Variants in AKR1C8 observed in about 807,000 individuals in gnomAD.
The protein encoded by AKR1C8 is aldo-keto reductase family 1 member C8.
the AKR1C8 span, among the ~76,000 whole-genome samples, chr10:5,152,928 C>A: frequency 6.6e-6 from 1 of 151,844 alleles, no homozygotes; most frequent in Non-Finnish European, 1.5e-5. Flanking sequence ...TTGGAGGGAG[C>A]TACCACCTTT....
chr10:5,175,287 C>T, the AKR1C8 span, among the ~76,000 whole-genome samples: 1 of 151,960 alleles, frequency 6.6e-6, no homozygotes, highest in Non-Finnish European at 1.5e-5. Context: ...CATCCATGTA[C>T]CTACAAAGGA....
chr10:5,161,036 T>A, the AKR1C8 span: 6 of 389,618 alleles, frequency 1.5e-5, no homozygotes, highest in South Asian at 7.9e-5. Flanking sequence ...TACATTTGCA[T>A]GCACGTGTGC....
the AKR1C8 span, among the ~76,000 whole-genome samples, chr10:5,129,183 G>C: frequency 6.6e-6 from 1 of 152,066 alleles, no homozygotes; most frequent in South Asian, 2.1e-4. Context: ...GAATGATTTT[G>C]GGTTAACAAT....
At chr10:5,132,080 G>C in the AKR1C8 span, among the ~76,000 whole-genome samples, 2 of 152,126 alleles carry the variant, frequency 1.3e-5, no homozygotes, top group Non-Finnish European at 2.9e-5. Flanking sequence ...TTCAGGAATG[G>C]AAAACCAAAC....
chr10:5,146,028 A>G, the AKR1C8 span, among the ~76,000 whole-genome samples: 1 of 152,128 alleles, frequency 6.6e-6, no homozygotes, highest in Admixed American at 6.5e-5. Flanking sequence ...ATAAAAAATG[A>G]TAAGTTCATG....
chr10:5,155,830 C>G, the AKR1C8 span: 1 of 409,950 alleles, frequency 2.4e-6, no homozygotes, highest in South Asian at 1.9e-5. Context: ...CAAGGACTTT[C>G]CAGGAGGCAG....
the AKR1C8 span, among the ~76,000 whole-genome samples, chr10:5,149,881 C>T: frequency 1.3e-5 from 2 of 151,828 alleles, no homozygotes; most frequent in African/African-American, 2.4e-5. Context: ...AAATATTTTT[C>T]AAATTTTGTT....
chr10:5,166,563 G>T, the AKR1C8 span, among the ~76,000 whole-genome samples: 4 of 152,166 alleles, frequency 2.6e-5, no homozygotes, highest in Non-Finnish European at 5.9e-5. Flanking sequence ...AATAAATGAT[G>T]CTGGGAAAAG....
the AKR1C8 span, among the ~76,000 whole-genome samples, chr10:5,178,231 T>C: frequency 6.6e-6 from 1 of 152,244 alleles, no homozygotes; most frequent in Non-Finnish European, 1.5e-5. Flanking sequence ...TTTCATTTCG[T>C]TATGTACCCA....
the AKR1C8 span, among the ~76,000 whole-genome samples, chr10:5,124,098 A>C: frequency 6.6e-6 from 1 of 152,180 alleles, no homozygotes; most frequent in South Asian, 2.1e-4. Context: ...CACACAGCCA[A>C]TTCCAGCTCT....
At chr10:5,157,864 T>G in the AKR1C8 span, 1 of 403,760 alleles carries the variant, frequency 2.5e-6, no homozygotes, top group Non-Finnish European at 5.2e-6. Flanking sequence ...AGTGCGCTGC[T>G]CCTTTTCCCC....
chr10:5,177,544 A>G, the AKR1C8 span, among the ~76,000 whole-genome samples: 3 of 152,190 alleles, frequency 2.0e-5, no homozygotes, highest in African/African-American at 7.2e-5. Flanking sequence ...GAATAGTTTC[A>G]GAAGGAATGG....
the AKR1C8 span, among the ~76,000 whole-genome samples, chr10:5,146,112 A>G: frequency 1.3e-5 from 2 of 148,240 alleles, no homozygotes; most frequent in Non-Finnish European, 3.0e-5. Context: ...AAAACCAAAC[A>G]CCGCATATTC....
chr10:5,151,327 G>T, the AKR1C8 span, among the ~76,000 whole-genome samples: 1 of 152,096 alleles, frequency 6.6e-6, no homozygotes, highest in Non-Finnish European at 1.5e-5. Context: ...TCCTACTAAA[G>T]CAGTCTAGTC....
At chr10:5,130,079 G>T in the AKR1C8 span, among the ~76,000 whole-genome samples, 1 of 151,950 alleles carries the variant, frequency 6.6e-6, no homozygotes, top group African/African-American at 2.4e-5. Flanking sequence ...TCATGATCAA[G>T]TGGGTTCCAT....
chr10:5,168,134 C>G, the AKR1C8 span, among the ~76,000 whole-genome samples: 2 of 152,094 alleles, frequency 1.3e-5, no homozygotes, highest in Non-Finnish European at 2.9e-5. Context: ...TATCCAACAA[C>G]TAGATCTTTC....
the AKR1C8 span, among the ~76,000 whole-genome samples, chr10:5,145,578 C>A: frequency 6.6e-6 from 1 of 152,120 alleles, no homozygotes; most frequent in African/African-American, 2.4e-5. Context: ...ATTTATGCAG[C>A]CAAAAAACAC....
chr10:5,138,532 A>G, the AKR1C8 span, among the ~76,000 whole-genome samples: 1 of 152,160 alleles, frequency 6.6e-6, no homozygotes, highest in Non-Finnish European at 1.5e-5. Context: ...CAAGTTTTAC[A>G]ATCAATGTGT....
At chr10:5,158,188 A>C in the AKR1C8 span, among the ~76,000 whole-genome samples, 126 of 152,280 alleles carry the variant, frequency 8.3e-4, no homozygotes, top group Non-Finnish European at 1.5e-3. Flanking sequence ...AGGTGAAAAA[A>C]CCAGAAAATA....
Sources: allele counts gnomAD v4.1 joint callset (sites outside exome capture counted in the v4.1 genomes callset), GRCh38; gene constraint gnomAD v4.1.1; transcripts MANE v1.5; gene names NCBI Gene and HGNC (gene_info 2026-07-23, HGNC 2026-07-21).